NID2: variants seen among roughly 807,000 people sequenced by gnomAD.
The protein encoded by NID2 is nidogen-2.
In NID2, 83 loss-of-function variants were observed where a neutral mutation model predicts 145.4. The ratio of observed to expected loss-of-function variants is 0.57; its 90% CI spans 0.48 to 0.69. NID2 has a LOEUF of 0.69. Ranked by LOEUF, NID2 falls within the 30% of genes least tolerant of loss-of-function variation. NID2 has a pLI of 0.00. For synonymous variants in NID2, 739 were observed against 701.3 expected (o/e 1.05, Z -0.85); for missense variants, 1,807 against 1,765.7 (o/e 1.02, Z -0.42).
Position 52,026,095 on chromosome 14 carries a change from T to A in NID2, c.2674+1106A>T, listed in dbSNP as rs141482866. On this transcript the variant is annotated intron_variant, in intron 12 of 21. Transcript: ENST00000216286. The stretch of plus-strand genomic sequence containing the variant: ...TCCAGAGAGAAGTGGAGGGCTGAGC[T>A]GCTGTCACAGTGACCTTTGTTCTGT... 6.6e-3 allele frequency among the ~76,000 whole-genome samples: 1,004 copies of A among 152,312 alleles called. 6 individuals carry two copies. The highest frequency in any genetic ancestry group is 0.02 in the Middle Eastern group (6 of 294).
rs1217648185 is a variant in NID2, at chr14:52,042,311, A to C, written c.1619T>G (p.Leu540Arg). 1 of 1,613,392 alleles carries C rather than the reference A, an allele frequency of 6.2e-7. No individual in the cohort carries two copies. The highest frequency in any genetic ancestry group is 1.1e-5 in the South Asian group (1 of 91,006). Residue 540 changes from leucine to arginine, a missense_variant, in exon 7 of 22, where the codon CTC becomes CGC. Leu to Arg is a moderately radical substitution (Grantham distance 102). Coordinates refer to ENST00000216286, the MANE Select transcript of NID2 (RefSeq NM_007361.4). The part of the protein sequence containing the change: ...HRVNGKVSGH[L>R]HVGHTPVHFT... ...GTGCACGGGTGTATGGCCCACGTGGAGGTGGCCACTCACTTTCCCATTCAC... is the reference window on the plus strand; with the variant it reads ...GTGCACGGGTGTATGGCCCACGTGGCGGTGGCCACTCACTTTCCCATTCAC...
In NID2 at chr14:52,030,398, GA is replaced by G. The variant is rs1301917603; in HGVS notation, c.2258-709del. On this transcript the variant is annotated intron_variant, in intron 9 of 21. Coordinates refer to ENST00000216286, the MANE Select transcript of NID2 (RefSeq NM_007361.4). ...CATGCCTGTAATCCCAGCACTTTGG[GA>G]GGCTGAGGTAGGAGGATAGTTTGAA... Among the ~76,000 whole-genome samples, 5 of 151,570 alleles carry G rather than the reference GA, an allele frequency of 3.3e-5. 1 individual carries two copies. Among genetic ancestry groups the G allele is most frequent in the African/African-American group, 1.2e-4 (5 of 41,196 alleles).
At chr14:52,022,101 G>A (rs1394854007) in intron 12 of NID2, among the ~76,000 whole-genome samples, 1 of 152,210 alleles carries the variant, frequency 6.6e-6, no homozygotes, top group Non-Finnish European at 1.5e-5. Flanking sequence ...CCATGGAGCA[G>A]TTTCTTATTG....
chr14:52,026,447 CCTAA>C (rs1351802571), intron 12 of NID2, among the ~76,000 whole-genome samples: 1 of 152,180 alleles, frequency 6.6e-6, no homozygotes, highest in Non-Finnish European at 1.5e-5. Context: ...GTCGTTTTAC[CCTAA>C]CTGTGTGTGT....
At position 52,053,804 on chromosome 14, in the gene NID2, C is replaced by T; in HGVS notation, c.1204G>A (p.Asp402Asn). The T allele has an allele frequency of 5.6e-6, 9 of 1,614,182 alleles. No individual in the cohort carries two copies. The highest frequency in any genetic ancestry group is 7.6e-6 in the Non-Finnish European group (9 of 1,180,016). Residue 402 changes from aspartate (D) to asparagine (N), a missense_variant, in exon 5 of 22, where the codon GAT (aspartate) becomes AAT (asparagine). Transcript: ENST00000216286. Reference protein sequence around the residue: ...RSPAPPEVDRDSLAPSWETPP... With the variant: ...RSPAPPEVDRNSLAPSWETPP... Reference sequence around the variant, plus strand: ...GTTTCCCAGGAAGGAGCCAGTGAATCTCTGTCTACCTCTGGTGGAGCTGGG... The same window carrying T: ...GTTTCCCAGGAAGGAGCCAGTGAATTTCTGTCTACCTCTGGTGGAGCTGGG...
At chr14:52,036,333 A>G (rs1221453749) in intron 9 of NID2, among the ~76,000 whole-genome samples, 1 of 152,170 alleles carries the variant, frequency 6.6e-6, no homozygotes, top group East Asian at 1.9e-4. Flanking sequence ...ATGTTGCAGC[A>G]TGTATCCGTA....
chr14:52,018,771 A>C (rs1891301716), intron 14 of NID2, among the ~76,000 whole-genome samples: 1 of 152,224 alleles, frequency 6.6e-6, no homozygotes, highest in Admixed American at 6.5e-5. Flanking sequence ...TAACAGGTCT[A>C]GGGTAGTGTT....
intron 21 of NID2, 60 bp downstream of exon 21, chr14:52,005,677 C>A (rs946958601): frequency 6.9e-7 from 1 of 1,439,538 alleles, no homozygotes; most frequent in East Asian, 2.3e-5. Context: ...AATCAAATAC[C>A]ATATATATCC....
At chr14:52,027,666 A>ACACACG (rs1555363356) in intron 11 of NID2, among the ~76,000 whole-genome samples, 1 of 146,238 alleles carries the variant, frequency 6.8e-6, no homozygotes, top group Non-Finnish European at 1.5e-5. Context: ...ACACACACAC[A>ACACACG]CGCAGTTTCT....
intron 10 of NID2, 32 bp from the exon 11 acceptor site, chr14:52,028,882 T>C (rs1352156691): frequency 6.2e-7 from 1 of 1,611,594 alleles, no homozygotes. Context: ...AAAATTCTGC[T>C]TAATTCAAGG....
At chr14:52,054,638 T>C (rs1892789864) in intron 3 of NID2, among the ~76,000 whole-genome samples, 2 of 152,172 alleles carry the variant, frequency 1.3e-5, no homozygotes, top group African/African-American at 4.8e-5. Flanking sequence ...AGCCCAGCAG[T>C]TCCAGGTTAC....
chr14:52,031,664 C>A (rs1891875744), intron 9 of NID2, among the ~76,000 whole-genome samples: 1 of 152,242 alleles, frequency 6.6e-6, no homozygotes, highest in Non-Finnish European at 1.5e-5. Flanking sequence ...AGCATCATGG[C>A]ATCTGTAGGC....
chr14:52,038,998 A>T (rs139715613), intron 8 of NID2, 21 bp from the exon 9 acceptor site: 1 of 1,520,134 alleles, frequency 6.6e-7, no homozygotes, highest in East Asian at 2.3e-5. Context: ...CACAGTGGTA[A>T]TTTTTTAAAA....
intron 20 of NID2, 172 bp downstream of exon 20, chr14:52,006,365 G>A (rs926647086): frequency 7.5e-6 from 5 of 667,544 alleles, no homozygotes; most frequent in African/African-American, 7.2e-5. Flanking sequence ...TCAAAAACAT[G>A]AAAGGATGAA....
intron 12 of NID2, among the ~76,000 whole-genome samples, chr14:52,025,649 G>A (rs1891563444): frequency 6.6e-6 from 1 of 152,146 alleles, no homozygotes; most frequent in African/African-American, 2.4e-5. Flanking sequence ...GGGCTGAGGT[G>A]GTGCAGGACA....
At chr14:52,035,021 G>A (rs1221095856) in intron 9 of NID2, among the ~76,000 whole-genome samples, 1 of 149,330 alleles carries the variant, frequency 6.7e-6, no homozygotes, top group Non-Finnish European at 1.5e-5. Flanking sequence ...GAAAGTACGA[G>A]CTCCCATATC....
At chr14:52,047,480 G>A (rs1168857855) in intron 5 of NID2, among the ~76,000 whole-genome samples, 4 of 152,112 alleles carry the variant, frequency 2.6e-5, no homozygotes, top group African/African-American at 9.7e-5. Flanking sequence ...ATCACAGGAA[G>A]GATTTGAGCT....
intron 9 of NID2, among the ~76,000 whole-genome samples, chr14:52,038,460 C>T (rs933715607): frequency 2.0e-5 from 3 of 152,180 alleles, no homozygotes; most frequent in African/African-American, 7.2e-5. Flanking sequence ...TCCAGTCTGC[C>T]TTGTTCACAG....
chr14:52,049,759 G>T (rs1892627025), intron 5 of NID2, among the ~76,000 whole-genome samples: 1 of 152,168 alleles, frequency 6.6e-6, no homozygotes, highest in Non-Finnish European at 1.5e-5. Context: ...TGGTGGCAGT[G>T]ATCACGACCC....
Sources: gnomAD v4.1 joint callset for allele counts (sites outside exome capture counted in the v4.1 genomes callset) on GRCh38, gnomAD v4.1.1 for gene constraint, MANE v1.5 for transcripts, NCBI Gene and HGNC (gene_info 2026-07-23, HGNC 2026-07-21) for gene names.